NKAIN3: variants seen among roughly 807,000 people sequenced by gnomAD.
The protein encoded by NKAIN3 is sodium/potassium transporting ATPase interacting 3.
Under a neutral mutation model 30.2 loss-of-function variants are expected in NKAIN3, and 25 were observed. That is an observed-to-expected ratio of 0.83 (90% CI 0.60 to 1.16). NKAIN3 has a LOEUF of 1.16. Among genes scored for constraint, NKAIN3 ranks in the 50% most tolerant of loss-of-function variants. The pLI is 0.00. For synonymous variants in NKAIN3, 91 were observed against 89.6 expected (o/e 1.02, Z -0.09); for missense variants, 225 against 254.1 (o/e 0.89, Z 0.78).
chr8:62,984,790 C>A lies in NKAIN3; in HGVS notation c.*19383C>A, dbSNP rs1451959155. ...ATCAGAAAGTGTTATTTAACAGAAA[C>A]TACATACATTTTTTATGTCTCTCTG... is the stretch of plus-strand genomic sequence containing the variant. On this transcript the variant is annotated 3_prime_UTR_variant, in exon 7 of 7. Transcript: ENST00000623646. The A allele has an allele frequency of 6.6e-6, 1 of 152,114 alleles. No homozygotes were observed. Among genetic ancestry groups the A allele is most frequent in the Non-Finnish European group, 1.5e-5 (1 of 68,012 alleles). The allele number at this position is 152,114 out of a possible 1,614,324, so 9.4% of individuals were successfully genotyped here.
intron 4 of NKAIN3, among the ~76,000 whole-genome samples, chr8:62,854,528 T>C (rs1035337286): frequency 3.3e-5 from 5 of 151,496 alleles, no homozygotes; most frequent in African/African-American, 1.2e-4. Flanking sequence ...TCCTGCTTTC[T>C]TCTGTTCTCC....
intron 1 of NKAIN3, among the ~76,000 whole-genome samples, chr8:62,439,764 C>T (rs1476636103): frequency 6.6e-6 from 1 of 152,186 alleles, no homozygotes; most frequent in Non-Finnish European, 1.5e-5. Context: ...ACAACCATTG[C>T]CACTGAACAT....
intron 4 of NKAIN3, among the ~76,000 whole-genome samples, chr8:62,822,925 G>T (rs774717496): frequency 2.0e-4 from 31 of 152,164 alleles, no homozygotes; most frequent in Non-Finnish European, 4.0e-4. Context: ...AACCTGTACA[G>T]CATGTTATTG....
At chr8:62,323,166 T>G (rs1466625250) in intron 1 of NKAIN3, among the ~76,000 whole-genome samples, 1 of 152,184 alleles carries the variant, frequency 6.6e-6, no homozygotes, top group African/African-American at 2.4e-5. Flanking sequence ...GACTCAGCAA[T>G]TACATGCCTT....
intron 1 of NKAIN3, among the ~76,000 whole-genome samples, chr8:62,281,857 C>G (rs1359276334): frequency 6.6e-6 from 1 of 152,002 alleles, no homozygotes; most frequent in Admixed American, 6.6e-5. Context: ...ATACAGGAAG[C>G]CCAAGCATTT....
intron 1 of NKAIN3, among the ~76,000 whole-genome samples, chr8:62,557,862 G>A (rs827695): frequency 0.91 from 138,326 of 152,190 alleles, 63,075 homozygotes; most frequent in African/African-American, 0.98. Flanking sequence ...TGGGTTGTCT[G>A]TTTGCTCTGC....
At chr8:62,298,362 C>T (rs957205863) in intron 1 of NKAIN3, among the ~76,000 whole-genome samples, 2 of 152,054 alleles carry the variant, frequency 1.3e-5, no homozygotes, top group African/African-American at 4.8e-5. Context: ...AAGAATACCT[C>T]TGATCTGATT....
At chr8:62,303,810 T>G (rs1814133702) in intron 1 of NKAIN3, among the ~76,000 whole-genome samples, 1 of 150,712 alleles carries the variant, frequency 6.6e-6, no homozygotes, top group African/African-American at 2.5e-5. Flanking sequence ...TAACCTAATG[T>G]CTTATTTTTA....
chr8:62,830,114 A>AG (rs1819148866), intron 4 of NKAIN3, among the ~76,000 whole-genome samples: 1 of 152,190 alleles, frequency 6.6e-6, no homozygotes, highest in Non-Finnish European at 1.5e-5. Flanking sequence ...AGTCTCTGAA[A>AG]GGTAGAAATG....
intron 1 of NKAIN3, among the ~76,000 whole-genome samples, chr8:62,461,468 A>C (rs533919364): frequency 5.9e-5 from 9 of 152,342 alleles, no homozygotes; most frequent in African/African-American, 2.2e-4. Context: ...GGGAAAAAGC[A>C]ATCAATAGCA....
At chr8:62,392,933 T>C (rs13280728) in intron 1 of NKAIN3, among the ~76,000 whole-genome samples, 89,904 of 151,874 alleles carry the variant, frequency 0.59, 28,048 homozygotes, top group East Asian at 0.68. Flanking sequence ...GTAACAGCAG[T>C]ACAAATCTTC....
In NKAIN3 at chr8:62,504,438, A is replaced by C. The variant is rs111354655; in HGVS notation, c.55-75101A>C. On this transcript the variant is annotated intron_variant, in intron 1 of 6. Transcript: ENST00000623646. ...CACCTATTGCATTCCTATTCCTTTA[A>C]TCATATCATCATCCCATAATCATTT... 4.0e-3 allele frequency among the ~76,000 whole-genome samples: 606 copies of C among 152,156 alleles called. 1 individual carries two copies. The highest frequency in any genetic ancestry group is 0.014 in the African/African-American group (566 of 41,530).
intron 1 of NKAIN3, among the ~76,000 whole-genome samples, chr8:62,291,345 C>G (rs892420903): frequency 9.2e-5 from 14 of 152,096 alleles, no homozygotes; most frequent in African/African-American, 2.2e-4. Flanking sequence ...GTCAATTTTA[C>G]ATCTTTCCTG....
chr8:62,614,349 C>T (rs572634828), intron 3 of NKAIN3, among the ~76,000 whole-genome samples: 2 of 151,832 alleles, frequency 1.3e-5, no homozygotes, highest in South Asian at 4.2e-4. Context: ...TTCTCCAAAA[C>T]ATACAGAGTC....
intron 4 of NKAIN3, among the ~76,000 whole-genome samples, chr8:62,912,053 C>T (rs1821938412): frequency 6.6e-6 from 1 of 152,088 alleles, no homozygotes; most frequent in Non-Finnish European, 1.5e-5. Flanking sequence ...ATAGAGTTTA[C>T]TTACACAGAA....
chr8:62,882,965 A>T (rs1821031696), intron 4 of NKAIN3, among the ~76,000 whole-genome samples: 1 of 152,148 alleles, frequency 6.6e-6, no homozygotes, highest in Non-Finnish European at 1.5e-5. Context: ...TTATTACTAA[A>T]GCTTTATACT....
intron 4 of NKAIN3, among the ~76,000 whole-genome samples, chr8:62,780,222 C>T (rs543348117): frequency 6.6e-6 from 1 of 152,054 alleles, no homozygotes; most frequent in Admixed American, 6.6e-5. Flanking sequence ...AAATATACAA[C>T]CTACTGAGAT....
rs116006765 is a variant in NKAIN3 at position 62,540,939 on chromosome 8, A to T, written c.55-38600A>T. Among the ~76,000 whole-genome samples, 659 of 152,272 alleles carry T rather than the reference A, an allele frequency of 4.3e-3. 3 individuals are homozygous for T. The highest frequency in any genetic ancestry group is 0.015 in the African/African-American group (621 of 41,572). On this transcript the variant is annotated intron_variant, in intron 1 of 6. Coordinates refer to ENST00000623646, the MANE Select transcript of NKAIN3 (RefSeq NM_001304533.3). ...AAATGGGAGTTTGGCTATAAACAAA[A>T]CTGTAATTTCAAAATTGTTTTCCCC...
Position 62,967,414 on chromosome 8 carries a change from T to C in NKAIN3, c.*2007T>C, listed in dbSNP as rs1221163087. 1.3e-5 allele frequency among the ~76,000 whole-genome samples: 2 copies of C among 152,000 alleles called. No homozygotes were observed. The highest frequency in any genetic ancestry group is 1.9e-4 in the East Asian group (1 of 5,200). The stretch of plus-strand genomic sequence containing the variant: ...AATTTAACGAAAAATGTAAAAAAAT[T>C]CTCAGTACACAGTGAAGCACTCCAC... On this transcript the variant is annotated 3_prime_UTR_variant, in exon 7 of 7. Transcript: ENST00000623646.
Sources: gnomAD v4.1 joint callset for allele counts (sites outside exome capture counted in the v4.1 genomes callset) on GRCh38, gnomAD v4.1.1 for gene constraint, MANE v1.5 for transcripts, NCBI Gene and HGNC (gene_info 2026-07-23, HGNC 2026-07-21) for gene names.